PLCB1: variants seen among roughly 807,000 people sequenced by gnomAD.
PLCB1 encodes 1-phosphatidylinositol 4,5-bisphosphate phosphodiesterase beta-1.
A neutral mutation model predicts 161.8 loss-of-function variants in PLCB1; 46 were observed. That is an observed-to-expected ratio of 0.28 (90% CI 0.22 to 0.36). PLCB1 has a LOEUF of 0.36. PLCB1 is among the 10% of genes least tolerant of loss of function. The pLI, the probability that PLCB1 is intolerant of heterozygous loss-of-function variation, is 1.00. For missense variants in PLCB1, 1,016 were observed against 1,472.5 expected, an observed-to-expected ratio of 0.69 and a Z score of 5.07; for synonymous variants, 517 against 503.7, an observed-to-expected ratio of 1.03 and a Z score of -0.35.
At chr20:8,754,846 G>A (rs1600300674) in intron 23 of PLCB1, among the ~76,000 whole-genome samples, 1 of 152,276 alleles carries the variant, frequency 6.6e-6, no homozygotes, top group East Asian at 1.9e-4. Flanking sequence ...CAAAGAAAAT[G>A]CATCCATGTA....
rs1004147187 is a variant in PLCB1 at position 8,609,324 on chromosome 20, T to C, written c.247-18970T>C. ...ATACAAGACATGGTTCAAACATTAATATTTGTGACTTAGAGCATCAGAATG... is the reference window on the plus strand; with the variant it reads ...ATACAAGACATGGTTCAAACATTAACATTTGTGACTTAGAGCATCAGAATG... On this transcript the variant is annotated intron_variant, in intron 3 of 31. Transcript: ENST00000338037. Among the ~76,000 whole-genome samples, 3 of 152,204 alleles carry C rather than the reference T, an allele frequency of 2.0e-5. No homozygotes were observed. The East Asian group carries it at 5.8e-4, about 29-fold the overall frequency.
intron 2 of PLCB1, among the ~76,000 whole-genome samples, chr20:8,234,967 C>T (rs1485437114): frequency 2.6e-5 from 4 of 152,158 alleles, no homozygotes; most frequent in Admixed American, 1.3e-4. Flanking sequence ...GGTTCAGAAA[C>T]ACATAGTGAA....
At chr20:8,606,383 C>T (rs907805403) in intron 3 of PLCB1, among the ~76,000 whole-genome samples, 2 of 152,056 alleles carry the variant, frequency 1.3e-5, no homozygotes, top group African/African-American at 2.4e-5. Flanking sequence ...CTCTCTGTGC[C>T]TTCATTTCCT....
intron 3 of PLCB1, among the ~76,000 whole-genome samples, chr20:8,500,173 A>G (rs1345917429): frequency 2.6e-5 from 4 of 152,236 alleles, no homozygotes; most frequent in Non-Finnish European, 5.9e-5. Context: ...GATTGGAAAC[A>G]TCTATCAAAT....
intron 30 of PLCB1, 54 bp from the exon 31 acceptor site, chr20:8,790,121 C>T (rs182606339): frequency 1.3e-5 from 16 of 1,241,938 alleles, no homozygotes; most frequent in African/African-American, 4.5e-5. Flanking sequence ...TTTCTGAAAA[C>T]GTGCACTTTT....
At chr20:8,634,288 A>G (rs1988692474) in intron 4 of PLCB1, among the ~76,000 whole-genome samples, 1 of 152,216 alleles carries the variant, frequency 6.6e-6, no homozygotes, top group African/African-American at 2.4e-5. Context: ...TGCGCTCTCT[A>G]AAAATATGTT....
At chr20:8,471,076 C>T (rs1982032032) in intron 3 of PLCB1, among the ~76,000 whole-genome samples, 2 of 152,120 alleles carry the variant, frequency 1.3e-5, no homozygotes, top group East Asian at 3.9e-4. Flanking sequence ...TAATAATGTA[C>T]AATTTACACA....
At chr20:8,170,041 T>C (rs6039062) in intron 2 of PLCB1, among the ~76,000 whole-genome samples, 2 of 152,158 alleles carry the variant, frequency 1.3e-5, no homozygotes, top group Non-Finnish European at 2.9e-5. Flanking sequence ...CAGTTAAGGG[T>C]ACACTGATAT....
chr20:8,234,503 T>A (rs1186612031), intron 2 of PLCB1, among the ~76,000 whole-genome samples: 1 of 152,142 alleles, frequency 6.6e-6, no homozygotes, highest in Non-Finnish European at 1.5e-5. Context: ...TTTACCCTTT[T>A]TGAACTTCTT....
chr20:8,729,041 A>G lies in PLCB1; in HGVS notation c.1764-9A>G. The G allele has an allele frequency of 6.3e-7, 1 of 1,589,762 alleles. No homozygotes were observed. Among genetic ancestry groups the G allele is most frequent in the Non-Finnish European group, 8.6e-7 (1 of 1,166,054 alleles). ...ATAATTGTATTCACTACTTAACATG[A>G]TGGTCCAGATATAACAAAATGCAGC... On this transcript the variant is annotated splice_polypyrimidine_tract_variant and intron_variant, in intron 17 of 31. Coordinates refer to ENST00000338037, the MANE Select transcript of PLCB1 (RefSeq NM_015192.4).
At chr20:8,338,930 C>T (rs533754517) in intron 2 of PLCB1, among the ~76,000 whole-genome samples, 3 of 152,286 alleles carry the variant, frequency 2.0e-5, no homozygotes, top group Non-Finnish European at 2.9e-5. Context: ...TGGCTTCTTT[C>T]GTGCAATGTA....
intron 2 of PLCB1, among the ~76,000 whole-genome samples, chr20:8,224,878 C>T (rs1355440266): frequency 1.3e-5 from 2 of 152,116 alleles, no homozygotes; most frequent in Non-Finnish European, 1.5e-5. Flanking sequence ...TTCATATACA[C>T]GGAATCACAG....
Position 8,646,203 on chromosome 20 carries a change from G to A in PLCB1, c.464+22G>A, listed in dbSNP as rs7273982. The A allele has an allele frequency of 0.011, 16,529 of 1,507,396 alleles. 1,476 individuals carry two copies. The African/African-American group carries it at 0.2, about 18-fold the overall frequency. The allele number at this position is 1,507,396 out of a possible 1,614,324, so 93.4% of individuals were successfully genotyped here. A position where few individuals can be genotyped will look rare whatever the true frequency, so the allele number is the denominator to read the frequency against. ...AAGCGTAAGTCACTCTAATTTTATTGCTAAGGGCGTTGCTTCTTCTGAGTC... is the reference window on the plus strand; with the variant it reads ...AAGCGTAAGTCACTCTAATTTTATTACTAAGGGCGTTGCTTCTTCTGAGTC... On this transcript the variant is annotated intron_variant, in intron 5 of 31. Coordinates refer to ENST00000338037, the MANE Select transcript of PLCB1 (RefSeq NM_015192.4).
intron 2 of PLCB1, among the ~76,000 whole-genome samples, chr20:8,204,837 A>T (rs1978442743): frequency 1.3e-5 from 2 of 152,146 alleles, no homozygotes; most frequent in African/African-American, 4.8e-5. Flanking sequence ...AATATTTATA[A>T]ATCATATCCT....
At chr20:8,834,679 G>A (rs1986193249) in intron 31 of PLCB1, among the ~76,000 whole-genome samples, 2 of 151,980 alleles carry the variant, frequency 1.3e-5, no homozygotes, top group African/African-American at 2.4e-5. Context: ...GCTGGGTGTG[G>A]TGGTGCATGC....
At chr20:8,544,550 G>T (rs911529427) in intron 3 of PLCB1, among the ~76,000 whole-genome samples, 1 of 152,222 alleles carries the variant, frequency 6.6e-6, no homozygotes, top group Admixed American at 6.5e-5. Context: ...GGGGTCAAGT[G>T]CAATGTGAAT....
chr20:8,744,114 T>C (rs1981022424), intron 23 of PLCB1, among the ~76,000 whole-genome samples: 1 of 151,894 alleles, frequency 6.6e-6, no homozygotes, highest in Non-Finnish European at 1.5e-5. Flanking sequence ...ACCAAACCCC[T>C]ATGACACACC....
chr20:8,880,972 T>G (rs1987957695), intron 31 of PLCB1: 1 of 152,114 alleles, frequency 6.6e-6, no homozygotes, highest in Admixed American at 6.6e-5. Context: ...GTTCAAGCGA[T>G]TCTCCTGCCC....
chr20:8,693,630 T>C (rs1200639018), intron 10 of PLCB1, among the ~76,000 whole-genome samples: 2 of 152,190 alleles, frequency 1.3e-5, no homozygotes, highest in Non-Finnish European at 2.9e-5. Context: ...GGAACCTTCT[T>C]ACCCTGGAGG....
Sources: gnomAD v4.1 joint callset for allele counts (sites outside exome capture counted in the v4.1 genomes callset) on GRCh38, gnomAD v4.1.1 for gene constraint, MANE v1.5 for transcripts, NCBI Gene and HGNC (gene_info 2026-07-23, HGNC 2026-07-21) for gene names.